MIP: variants seen among roughly 807,000 people sequenced by gnomAD.
The protein encoded by MIP is lens fiber major intrinsic protein.
In MIP, 14 loss-of-function variants were observed where a neutral mutation model predicts 21.8. The observed-to-expected ratio is 0.64, with a 90% CI of 0.42 to 1.00. The LOEUF (loss-of-function observed/expected upper bound fraction) is 1.00. MIP is among the 50% of genes least tolerant of loss of function. MIP has a pLI of 0.00. For synonymous variants in MIP, 133 were observed against 141.4 expected, an observed-to-expected ratio of 0.94 and a Z score of 0.42; for missense variants, 260 against 333.5, an observed-to-expected ratio of 0.78 and a Z score of 1.72.
In MIP at chr12:56,453,703, G is replaced by A. The variant is rs121917867; in HGVS notation, c.413C>T (p.Thr138Met). ...AAAGATGCAGAGCACGAACTGGAGCGTCAGGAAGATCTCCACTGTGGTTGC... is the reference window on the plus strand; with the variant it reads ...AAAGATGCAGAGCACGAACTGGAGCATCAGGAAGATCTCCACTGTGGTTGC... Reference protein sequence around the residue: ...GQATTVEIFLTLQFVLCIFAT... With the variant: ...GQATTVEIFLMLQFVLCIFAT... Residue 138 changes from threonine (T) to methionine (M), a missense_variant, in exon 2 of 4, where the codon ACG becomes ATG. Thr to Met is a moderately conservative substitution (Grantham distance 81). Transcript: ENST00000652304. 3.9e-5 allele frequency: 63 copies of A among 1,613,948 alleles called. No homozygotes were observed. Among genetic ancestry groups the A allele is most frequent in the Middle Eastern group, 1.6e-4 (1 of 6,084 alleles).
In MIP at chr12:56,451,234, C is replaced by T. The variant is rs780039070; in HGVS notation, c.*46G>A. On this transcript the variant is annotated 3_prime_UTR_variant, in exon 4 of 4. Transcript: ENST00000652304. ...CATCTAGGGGCTGGCTAAACCCCTC[C>T]ACGTAAACTCAGAAGCTTTCTACTC... 6.3e-7 allele frequency: 1 copy of T among 1,585,618 alleles called. No homozygotes were observed. The highest frequency in any genetic ancestry group is 1.7e-5 in the Admixed American group (1 of 59,984).
In MIP at chr12:56,451,144, A is replaced by C. The variant is rs1481521864; in HGVS notation, c.*136T>G. The C allele has an allele frequency of 3.9e-5, 28 of 725,734 alleles. No individual in the cohort carries two copies. Among genetic ancestry groups the C allele is most frequent in the Admixed American group, 5.8e-5 (2 of 34,232 alleles). 45.0% of individuals were successfully genotyped at this position (725,734 alleles called of 1,614,324 possible). ...ACACAGCAAAAGGAAAAAAAAAAAA[A>C]AAACAACCACATACATAAGTTAAAA... On this transcript the variant is annotated 3_prime_UTR_variant, in exon 4 of 4. Transcript: ENST00000652304.
At chr12:56,452,278 A>T (rs965220874) in intron 3 of MIP, among the ~76,000 whole-genome samples, 1 of 152,156 alleles carries the variant, frequency 6.6e-6, no homozygotes, top group Admixed American at 6.6e-5. Flanking sequence ...GTAATCATAC[A>T]GTATTTGTCT....
At chr12:56,453,500 A>G (rs1330711164) in intron 2 of MIP, 91 bp downstream of exon 2, 3 of 1,403,464 alleles carry the variant, frequency 2.1e-6, no homozygotes, top group Non-Finnish European at 3.0e-6. Flanking sequence ...CATGTTTGAC[A>G]GTGAAGTAGG....
upstream of MIP, among the ~76,000 whole-genome samples, chr12:56,455,219 C>T (rs946048253): frequency 1.3e-5 from 2 of 152,110 alleles, no homozygotes; most frequent in Non-Finnish European, 2.9e-5. Flanking sequence ...CCCTGCAGCT[C>T]TGGGACAAAA....
Position 56,454,528 on chromosome 12 carries a change from C to G in MIP, c.86G>C (p.Gly29Ala). 6.2e-7 allele frequency: 1 copy of G among 1,613,486 alleles called. No individual in the cohort carries two copies. Among genetic ancestry groups the G allele is most frequent in the Non-Finnish European group, 8.5e-7 (1 of 1,179,660 alleles). ...TCCAGGAGCCCAGCGCAGTGAGGAC[C>G]CCAGCCCAAAGAAGACATAGAAGAG... is the stretch of plus-strand genomic sequence containing the variant. ...ATLFYVFFGL[G>A]SSLRWAPGPL... The change falls in exon 1 of 4, where the codon GGG (glycine) becomes GCG (alanine). Residue 29 changes from glycine (G) to alanine (A), a missense_variant. By Grantham distance (60) the Gly-to-Ala change is moderately conservative. Coordinates refer to ENST00000652304, the MANE Select transcript of MIP (RefSeq NM_012064.4).
chr12:56,451,131 G>GAAA lies in MIP; in HGVS notation c.*146_*148dup, dbSNP rs35639464. The GAAA allele has an allele frequency of 3.2e-4, 181 of 563,456 alleles. No homozygotes were observed. The highest frequency in any genetic ancestry group is 4.9e-4 in the Admixed American group (14 of 28,806). 34.9% of individuals were successfully genotyped at this position (563,456 alleles called of 1,614,324 possible). A position where few individuals can be genotyped will look rare whatever the true frequency, so the allele number is the denominator to read the frequency against. ...CTTGAAAGATTTCACACAGCAAAAGGAAAAAAAAAAAAAAAACAACCACAT... is the reference window on the plus strand; with the variant it reads ...CTTGAAAGATTTCACACAGCAAAAGGAAAAAAAAAAAAAAAAAAACAACCACAT... On this transcript the variant is annotated 3_prime_UTR_variant, in exon 4 of 4. Transcript: ENST00000652304.
Position 56,454,262 on chromosome 12 carries a change from G to C in MIP, c.352C>G (p.Leu118Val). 1 of 1,614,124 alleles carries C rather than the reference G, an allele frequency of 6.2e-7. No individual in the cohort carries two copies. The highest frequency in any genetic ancestry group is 8.5e-7 in the Non-Finnish European group (1 of 1,180,026). Residue 118 changes from leucine to valine, a missense_variant, in exon 1 of 4, where the codon CTC becomes GTC. Coordinates refer to ENST00000652304, the MANE Select transcript of MIP (RefSeq NM_012064.4). Reference protein sequence around the residue: ...TPPAVRGNLALNTLHPAVSVG... With the variant: ...TPPAVRGNLAVNTLHPAVSVG... ...TCTCAGCCAACCATTACCGTGTTGA[G>C]TGCTAGGTTTCCTCGGACAGCAGGT...
In MIP at chr12:56,450,027, G is replaced by A. The variant is rs1868534569; in HGVS notation, c.*1253C>T. On this transcript the variant is annotated 3_prime_UTR_variant, in exon 4 of 4. Coordinates refer to ENST00000652304, the MANE Select transcript of MIP (RefSeq NM_012064.4). The stretch of plus-strand genomic sequence containing the variant: ...ATTGCACTCCAACCTGGTCAACATA[G>A]TAAGACCCCCTCTCAAAAAAAAAAA... 1 of 100,320 alleles carries A rather than the reference G, an allele frequency of 1.0e-5. No individual in the cohort carries two copies. The highest frequency in any genetic ancestry group is 3.3e-5 in the African/African-American group (1 of 30,528). 6.2% of individuals were successfully genotyped at this position (100,320 alleles called of 1,614,324 possible).
Position 56,453,633 on chromosome 12 carries a change from G to A in MIP, c.483C>T (p.Ala161=), listed in dbSNP as rs764231754. ...GGGCAAGGGAGAAGCCAACGGCCAG[G>A]GCCACGGAGCCCAGTTGGCCATTCC... is the stretch of plus-strand genomic sequence containing the variant. The part of the protein sequence containing the change: ...ERRNGQLGSV[A]LAVGFSLALG... The change falls in exon 2 of 4, where the codon GCC becomes GCT. Residue 161 remains alanine (A), a synonymous_variant. Coordinates refer to ENST00000652304, the MANE Select transcript of MIP (RefSeq NM_012064.4). 1 of 1,614,240 alleles carries A rather than the reference G, an allele frequency of 6.2e-7. No homozygotes were observed. The highest frequency in any genetic ancestry group is 8.5e-7 in the Non-Finnish European group (1 of 1,180,044).
intron 3 of MIP, 85 bp downstream of exon 3, chr12:56,452,987 A>G: frequency 2.1e-6 from 2 of 935,838 alleles, no homozygotes; most frequent in Non-Finnish European, 3.6e-6. Flanking sequence ...ACACACGCAG[A>G]AGGAAAGCAG....
chr12:56,453,823 C>G, intron 1 of MIP, 68 bp from the exon 2 acceptor site: 1 of 1,514,664 alleles, frequency 6.6e-7, no homozygotes, highest in Non-Finnish European at 9.0e-7. Context: ...TCAAGACTTC[C>G]CCGGCAAGGA....
chr12:56,452,364 T>C (rs1368470619), intron 3 of MIP, among the ~76,000 whole-genome samples: 1 of 152,240 alleles, frequency 6.6e-6, no homozygotes, highest in Admixed American at 6.5e-5. Context: ...ACAATTTCCT[T>C]CCTTTTTACA....
At chr12:56,453,854 C>T (rs530759644) in intron 1 of MIP, 99 bp from the exon 2 acceptor site, 10 of 1,235,080 alleles carry the variant, frequency 8.1e-6, no homozygotes, top group South Asian at 3.9e-5. Flanking sequence ...GCATCAGGTC[C>T]GTGGAGAGGA....
In MIP at chr12:56,453,623, C is replaced by T. The variant is rs886049692; in HGVS notation, c.493G>A (p.Gly165Ser). 5 of 1,614,142 alleles carry T rather than the reference C, an allele frequency of 3.1e-6. No homozygotes were observed. The East Asian group carries it at 1.1e-4, about 36-fold the overall frequency. Reference protein sequence around the residue: ...GQLGSVALAVGFSLALGHLFG... With the variant: ...GQLGSVALAVSFSLALGHLFG... The stretch of plus-strand genomic sequence containing the variant: ...AGGTGCCCCAGGGCAAGGGAGAAGC[C>T]AACGGCCAGGGCCACGGAGCCCAGT... Residue 165 changes from glycine (G) to serine (S), a missense_variant, in exon 2 of 4, where the codon GGC becomes AGC. Gly to Ser is a moderately conservative substitution (Grantham distance 56). Transcript: ENST00000652304.
rs887002846 is a variant in MIP at position 56,451,228 on chromosome 12, C to T, written c.*52G>A. On this transcript the variant is annotated 3_prime_UTR_variant, in exon 4 of 4. Coordinates refer to ENST00000652304, the MANE Select transcript of MIP (RefSeq NM_012064.4). ...TTTCTTCATCTAGGGGCTGGCTAAACCCCTCCACGTAAACTCAGAAGCTTT... is the reference window on the plus strand; with the variant it reads ...TTTCTTCATCTAGGGGCTGGCTAAATCCCTCCACGTAAACTCAGAAGCTTT... 4.5e-6 allele frequency: 7 copies of T among 1,559,162 alleles called. No homozygotes were observed. In the African/African-American group the frequency reaches 9.5e-5, roughly 21 times the overall value.
chr12:56,453,505 A>C, intron 2 of MIP, 86 bp downstream of exon 2: 1 of 1,436,570 alleles, frequency 7.0e-7, no homozygotes, highest in Non-Finnish European at 9.8e-7. Context: ...TTGACAGTGA[A>C]GTAGGCAGGA....
chr12:56,455,028 T>C (rs2136167365), upstream of MIP, among the ~76,000 whole-genome samples: 1 of 152,278 alleles, frequency 6.6e-6, no homozygotes, highest in Middle Eastern at 3.4e-3. Context: ...GCTCACTTCA[T>C]GGCATTTGGG....
upstream of MIP, among the ~76,000 whole-genome samples, chr12:56,455,351 A>T (rs377421252): frequency 3.7e-4 from 57 of 152,222 alleles, 1 homozygote; most frequent in South Asian, 0.011. Context: ...GAGAGAAGAC[A>T]CTATCATCCC....
Sources: gnomAD v4.1 joint callset for allele counts (sites outside exome capture counted in the v4.1 genomes callset) on GRCh38, gnomAD v4.1.1 for gene constraint, MANE v1.5 for transcripts, NCBI Gene and HGNC (gene_info 2026-07-23, HGNC 2026-07-21) for gene names.